Variants in AK8 observed in about 807,000 individuals in gnomAD.
AK8 encodes adenylate kinase 8.
In AK8, 44 loss-of-function variants were observed where a neutral mutation model predicts 54.6. The ratio of observed to expected loss-of-function variants is 0.81; its 90% confidence interval spans 0.63 to 1.04. The LOEUF (loss-of-function observed/expected upper bound fraction) is 1.04, where lower values mean the gene tolerates loss of function less well. Ranked by LOEUF, AK8 falls within the 50% of genes least tolerant of loss-of-function variation. The pLI, the probability that AK8 is intolerant of heterozygous loss-of-function variation, is 0.00. For missense variants in AK8, 555 were observed against 613.6 expected (o/e 0.90, Z 1.01); for synonymous variants, 239 against 245.6 (o/e 0.97, Z 0.25).
intron 5 of AK8, among the ~76,000 whole-genome samples, chr9:132,847,267 C>T (rs1375425825): frequency 2.0e-5 from 3 of 152,232 alleles, no homozygotes; most frequent in African/African-American, 4.8e-5. Context: ...TCTTCTACCA[C>T]CAGGCGTGGG....
In AK8 at chr9:132,741,517, G is replaced by A. The variant is rs140183149; in HGVS notation, c.1122-13983C>T. On this transcript the variant is annotated intron_variant, in intron 11 of 12. Transcript: ENST00000298545. Reference sequence around the variant, plus strand: ...TTGGTGAACATTTCCTCCGTGTCCTGAGGTGTGGCCGATGCCAAGAGGCCC... The same window carrying A: ...TTGGTGAACATTTCCTCCGTGTCCTAAGGTGTGGCCGATGCCAAGAGGCCC... Among the ~76,000 whole-genome samples the A allele has an allele frequency of 1.2e-3, 190 of 152,324 alleles. 3 individuals carry two copies. The highest frequency in any genetic ancestry group is 4.4e-3 in the African/African-American group (184 of 41,572).
At chr9:132,771,671 C>T (rs1296010430) in intron 11 of AK8, among the ~76,000 whole-genome samples, 1 of 152,206 alleles carries the variant, frequency 6.6e-6, no homozygotes. Context: ...AGGCTCAAGG[C>T]TCCCACCTTG....
chr9:132,764,526 A>G (rs1255581014), intron 11 of AK8, among the ~76,000 whole-genome samples: 2 of 152,252 alleles, frequency 1.3e-5, no homozygotes, highest in African/African-American at 4.8e-5. Context: ...ATTAGAGACT[A>G]TTATGAACAA....
At chr9:132,806,881 A>G (rs1840749281) in intron 10 of AK8, among the ~76,000 whole-genome samples, 1 of 152,096 alleles carries the variant, frequency 6.6e-6, no homozygotes, top group Non-Finnish European at 1.5e-5. Flanking sequence ...AAGGGTGCAA[A>G]TTAGCTTCTT....
intron 9 of AK8, among the ~76,000 whole-genome samples, chr9:132,822,730 C>A (rs912346295): frequency 5.9e-5 from 9 of 152,022 alleles, no homozygotes; most frequent in African/African-American, 2.2e-4. Context: ...TGAAACTGTG[C>A]GGAGTGAGAA....
At chr9:132,748,873 T>G (rs1208577775) in intron 11 of AK8, among the ~76,000 whole-genome samples, 1 of 151,706 alleles carries the variant, frequency 6.6e-6, no homozygotes, top group Non-Finnish European at 1.5e-5. Context: ...CTAAGTTGTG[T>G]TTGTTTGTTT....
At chr9:132,762,832 GTGCCAC>G (rs1838545754) in intron 11 of AK8, among the ~76,000 whole-genome samples, 1 of 152,098 alleles carries the variant, frequency 6.6e-6, no homozygotes, top group Non-Finnish European at 1.5e-5. Flanking sequence ...AGCTGAGATT[GTGCCAC>G]TGCACTCCAG....
At chr9:132,785,429 T>C (rs990486568) in intron 11 of AK8, among the ~76,000 whole-genome samples, 1 of 152,224 alleles carries the variant, frequency 6.6e-6, no homozygotes, top group East Asian at 1.9e-4. Flanking sequence ...GGGGTCAAGA[T>C]ATTCTGCTGC....
chr9:132,749,275 T>C (rs1837794752), intron 11 of AK8, among the ~76,000 whole-genome samples: 1 of 151,994 alleles, frequency 6.6e-6, no homozygotes, highest in Non-Finnish European at 1.5e-5. Flanking sequence ...CCCTATTTGA[T>C]AGGTGTGGGA....
intron 4 of AK8, among the ~76,000 whole-genome samples, chr9:132,857,843 C>T (rs1564442360): frequency 1.3e-5 from 2 of 152,248 alleles, no homozygotes; most frequent in Non-Finnish European, 2.9e-5. Flanking sequence ...GAGCGCCCCC[C>T]GCTGCTCCCC....
chr9:132,834,623 G>A (rs992299519), intron 5 of AK8, among the ~76,000 whole-genome samples: 1 of 152,166 alleles, frequency 6.6e-6, no homozygotes, highest in Non-Finnish European at 1.5e-5. Context: ...TGTGCCCAGG[G>A]CTTTGCCTGA....
intron 5 of AK8, among the ~76,000 whole-genome samples, chr9:132,834,510 A>G (rs1842237559): frequency 1.3e-5 from 2 of 152,230 alleles, no homozygotes; most frequent in African/African-American, 4.8e-5. Context: ...CGTGGAATGC[A>G]CTGAACACGG....
At chr9:132,843,024 T>C (rs780667643) in intron 5 of AK8, among the ~76,000 whole-genome samples, 12 of 152,202 alleles carry the variant, frequency 7.9e-5, no homozygotes, top group Non-Finnish European at 1.2e-4. Context: ...CTTTGCCACA[T>C]TCAGCTGGTC....
At chr9:132,732,963 C>G (rs1179259383) in intron 11 of AK8, among the ~76,000 whole-genome samples, 1 of 152,146 alleles carries the variant, frequency 6.6e-6, no homozygotes, top group Non-Finnish European at 1.5e-5. Context: ...TCGAGGCCAG[C>G]TTCTCCCGTG....
chr9:132,865,393 C>T (rs1018857777), intron 3 of AK8, among the ~76,000 whole-genome samples: 2 of 152,162 alleles, frequency 1.3e-5, no homozygotes, highest in East Asian at 1.9e-4. Flanking sequence ...TGCCCCATCC[C>T]GTCCATGATA....
chr9:132,758,941 T>C (rs1448143086), intron 11 of AK8, among the ~76,000 whole-genome samples: 1 of 152,072 alleles, frequency 6.6e-6, no homozygotes, highest in African/African-American at 2.4e-5. Flanking sequence ...CGCATGCCTG[T>C]AATCCCAGGA....
chr9:132,864,769 G>T (rs1843522652), intron 3 of AK8, among the ~76,000 whole-genome samples: 1 of 152,234 alleles, frequency 6.6e-6, no homozygotes, highest in Non-Finnish European at 1.5e-5. Context: ...CCGAAAGCAG[G>T]TCTCTGCGTT....
intron 11 of AK8, among the ~76,000 whole-genome samples, chr9:132,757,178 A>C (rs1156476115): frequency 6.6e-6 from 1 of 151,850 alleles, no homozygotes; most frequent in Non-Finnish European, 1.5e-5. Context: ...TTCAATCCAG[A>C]AGCTGCCACG....
Position 132,860,647 on chromosome 9 carries a change from C to G in AK8, c.333+3018G>C, listed in dbSNP as rs1843349359. The stretch of plus-strand genomic sequence containing the variant: ...CTCAGGTTGGAAGCAGGAACAAAAA[C>G]TAGAGACACTGCCAGTTATTAATCA... On this transcript the variant is annotated intron_variant, in intron 4 of 12. Coordinates refer to ENST00000298545, the MANE Select transcript of AK8 (RefSeq NM_152572.3). This position sits in a 1 kb window ranked among gnomAD's most constrained non-coding sequence, Gnocchi z 4.4. 1.3e-5 allele frequency among the ~76,000 whole-genome samples: 2 copies of G among 152,226 alleles called. No individual in the cohort carries two copies. Among genetic ancestry groups the G allele is most frequent in the Non-Finnish European group, 1.5e-5 (1 of 68,040 alleles).
Sources: allele counts gnomAD v4.1 joint callset (sites outside exome capture counted in the v4.1 genomes callset), GRCh38; gene constraint gnomAD v4.1.1; non-coding constraint Gnocchi (gnomAD v3.1); transcripts MANE v1.5; gene names NCBI Gene and HGNC (gene_info 2026-07-23, HGNC 2026-07-21).